ST6GALNAC3: variants seen among roughly 807,000 people sequenced by gnomAD.
ST6GALNAC3 encodes the protein alpha-N-acetylgalactosaminide alpha-2,6-sialyltransferase 3.
Under a neutral mutation model 32.7 loss-of-function variants are expected in ST6GALNAC3, and 25 were observed. The observed-to-expected ratio is 0.76, with a 90% CI of 0.56 to 1.07. ST6GALNAC3 has a LOEUF of 1.07. ST6GALNAC3 is among the 50% of genes least tolerant of loss of function. ST6GALNAC3 has a pLI of 0.00. For missense variants in ST6GALNAC3, 355 were observed against 382.4 expected, an observed-to-expected ratio of 0.93 and a Z score of 0.60; for synonymous variants, 129 against 133.1, an observed-to-expected ratio of 0.97 and a Z score of 0.21.
At chr1:76,208,045 C>CG (rs1553165411) in intron 1 of ST6GALNAC3, among the ~76,000 whole-genome samples, 4 of 53,794 alleles carry the variant, frequency 7.4e-5, no homozygotes, top group Admixed American at 5.4e-4. Context: ...AAGAGTGCCC[C>CG]CCCCCCCAAA....
intron 1 of ST6GALNAC3, among the ~76,000 whole-genome samples, chr1:76,123,845 G>C (rs1649058068): frequency 6.9e-6 from 1 of 144,620 alleles, no homozygotes; most frequent in Non-Finnish European, 1.5e-5. Flanking sequence ...CACCTCCCAG[G>C]TTCAAGCAGT....
intron 2 of ST6GALNAC3, among the ~76,000 whole-genome samples, chr1:76,362,280 C>T (rs533822716): frequency 6.6e-6 from 1 of 152,222 alleles, no homozygotes; most frequent in African/African-American, 2.4e-5. Context: ...TGGTGTTAAA[C>T]TATTCAGGAG....
chr1:76,614,935 C>T (rs531161638), intron 3 of ST6GALNAC3, among the ~76,000 whole-genome samples: 162 of 151,540 alleles, frequency 1.1e-3, no homozygotes, highest in African/African-American at 3.4e-3. Flanking sequence ...TGCAGGGTGT[C>T]GTCTGGGGTA....
intron 3 of ST6GALNAC3, among the ~76,000 whole-genome samples, chr1:76,497,392 A>C (rs902906609): frequency 6.6e-5 from 10 of 152,192 alleles, no homozygotes; most frequent in African/African-American, 2.4e-4. Flanking sequence ...GAGCCATAGC[A>C]AAGTCCAGAG....
At chr1:76,232,846 A>T (rs1656447117) in intron 1 of ST6GALNAC3, among the ~76,000 whole-genome samples, 3 of 152,228 alleles carry the variant, frequency 2.0e-5, no homozygotes, top group African/African-American at 7.2e-5. Context: ...ATAGACCGAG[A>T]TGGAGATGAG....
intron 3 of ST6GALNAC3, among the ~76,000 whole-genome samples, chr1:76,473,283 T>C (rs1488151826): frequency 6.6e-6 from 1 of 152,082 alleles, no homozygotes; most frequent in Non-Finnish European, 1.5e-5. Flanking sequence ...CTAGCCAGAA[T>C]GTATAGTCTA....
intron 2 of ST6GALNAC3, among the ~76,000 whole-genome samples, chr1:76,367,423 T>C (rs11162132): frequency 0.079 from 12,052 of 152,030 alleles, 1,214 homozygotes; most frequent in African/African-American, 0.24. Flanking sequence ...TCTATTTATC[T>C]GGATCCTTGT....
At position 76,593,917 on chromosome 1, in the gene ST6GALNAC3, C is replaced by T. The variant is rs144473127; in HGVS notation, c.624-33535C>T. Among the ~76,000 whole-genome samples the T allele has an allele frequency of 2.8e-3, 432 of 152,180 alleles. 3 individuals carry two copies. Among genetic ancestry groups the T allele is most frequent in the Non-Finnish European group, 4.6e-3 (315 of 67,998 alleles). On this transcript the variant is annotated intron_variant, in intron 3 of 4. Coordinates refer to ENST00000328299, the MANE Select transcript of ST6GALNAC3 (RefSeq NM_152996.4). ...GGAGACCTACTCATTTGAAATAAGC[C>T]ACCTACTCATTAATAGAATCTCTGA...
At chr1:76,293,052 T>A (rs938882354) in intron 1 of ST6GALNAC3, among the ~76,000 whole-genome samples, 4 of 152,216 alleles carry the variant, frequency 2.6e-5, no homozygotes, top group African/African-American at 9.6e-5. Flanking sequence ...AGCTGCCATG[T>A]CAATCATTTT....
intron 2 of ST6GALNAC3, among the ~76,000 whole-genome samples, chr1:76,379,601 G>A (rs1651544034): frequency 6.6e-6 from 1 of 152,164 alleles, no homozygotes; most frequent in South Asian, 2.1e-4. Flanking sequence ...CTGCACTGGA[G>A]GAAGACTAGA....
intron 1 of ST6GALNAC3, among the ~76,000 whole-genome samples, chr1:76,275,031 G>A (rs1659056649): frequency 6.6e-6 from 1 of 152,238 alleles, no homozygotes; most frequent in African/African-American, 2.4e-5. Flanking sequence ...AGACAGAGAA[G>A]CTGACTATGC....
chr1:76,199,037 T>A (rs1654374835), intron 1 of ST6GALNAC3, among the ~76,000 whole-genome samples: 1 of 152,124 alleles, frequency 6.6e-6, no homozygotes, highest in Admixed American at 6.5e-5. Flanking sequence ...TCAGACAAGT[T>A]CAGAAGAGTT....
chr1:76,410,971 G>A (rs1246512170), intron 2 of ST6GALNAC3, among the ~76,000 whole-genome samples: 1 of 152,074 alleles, frequency 6.6e-6, no homozygotes, highest in Non-Finnish European at 1.5e-5. Context: ...AGTCGAGAGA[G>A]GCTACTCACC....
chr1:76,218,782 G>A (rs1026511317), intron 1 of ST6GALNAC3, among the ~76,000 whole-genome samples: 1 of 152,138 alleles, frequency 6.6e-6, no homozygotes, highest in Non-Finnish European at 1.5e-5. Flanking sequence ...GCAGATCTAT[G>A]TTTGAATCCC....
chr1:76,510,784 G>A (rs984145188), intron 3 of ST6GALNAC3, among the ~76,000 whole-genome samples: 14 of 152,112 alleles, frequency 9.2e-5, no homozygotes, highest in South Asian at 2.1e-4. Context: ...ATTAGCCTAC[G>A]GTTGGACAAA....
At chr1:76,194,754 G>A (rs957491221) in intron 1 of ST6GALNAC3, among the ~76,000 whole-genome samples, 1 of 152,174 alleles carries the variant, frequency 6.6e-6, no homozygotes, top group Non-Finnish European at 1.5e-5. Context: ...AGCCTTTTCA[G>A]ATAATTGTGG....
chr1:76,315,881 T>C (rs898636577), intron 2 of ST6GALNAC3, among the ~76,000 whole-genome samples: 2 of 152,114 alleles, frequency 1.3e-5, no homozygotes, highest in African/African-American at 4.8e-5. Flanking sequence ...CTCTGTACTT[T>C]CCAGTATGGC....
chr1:76,177,872 A>G (rs1464974883), intron 1 of ST6GALNAC3, among the ~76,000 whole-genome samples: 2 of 152,164 alleles, frequency 1.3e-5, no homozygotes, highest in Non-Finnish European at 2.9e-5. Context: ...CTCTTGAGTG[A>G]CGGGGCCATT....
At chr1:76,119,961 A>C (rs1426651763) in intron 1 of ST6GALNAC3, among the ~76,000 whole-genome samples, 1 of 152,226 alleles carries the variant, frequency 6.6e-6, no homozygotes, top group Non-Finnish European at 1.5e-5. Context: ...TTCTGTGGGC[A>C]CAGGCCTGCC....
Sources: allele counts gnomAD v4.1 joint callset (sites outside exome capture counted in the v4.1 genomes callset), GRCh38; gene constraint gnomAD v4.1.1; transcripts MANE v1.5; gene names NCBI Gene and HGNC (gene_info 2026-07-23, HGNC 2026-07-21).